RBFOX1: variants seen among roughly 807,000 people sequenced by gnomAD.
RBFOX1 encodes the protein RNA binding fox-1 homolog 1, also known as RNA binding protein fox-1 homolog 1.
Under a neutral mutation model 57.7 loss-of-function variants are expected in RBFOX1, and 8 were observed. The observed-to-expected ratio is 0.14, with a 90% CI of 0.08 to 0.25. The LOEUF is 0.25. RBFOX1 is among the 10% of genes least tolerant of loss of function. The pLI, the probability that RBFOX1 is intolerant of heterozygous loss-of-function variation, is 1.00. For synonymous variants in RBFOX1, 326 were observed against 222.4 expected (o/e 1.47, Z -4.15); for missense variants, 611 against 548.5 (o/e 1.11, Z -1.14).
intron 4 of RBFOX1, among the ~76,000 whole-genome samples, chr16:7,247,784 T>G (rs552820240): frequency 6.6e-6 from 1 of 152,254 alleles, no homozygotes; most frequent in African/African-American, 2.4e-5. Flanking sequence ...CTAGGTATTT[T>G]AAAATGTGGT....
At chr16:6,353,958 G>T (rs139848410) in intron 2 of RBFOX1, among the ~76,000 whole-genome samples, 1 of 152,004 alleles carries the variant, frequency 6.6e-6, no homozygotes. Context: ...AACAGTTCAC[G>T]CCTGTAGTCC....
At position 5,716,608 on chromosome 16, in the gene RBFOX1, G is replaced by A. The variant is rs1434063112; in HGVS notation, c.318+117647G>A. Among the ~76,000 whole-genome samples the A allele has an allele frequency of 2.0e-5, 3 of 152,376 alleles. No individual in the cohort carries two copies. In the East Asian group the frequency reaches 5.8e-4, roughly 29 times the overall value. On this transcript the variant is annotated intron_variant, in intron 3 of 19. Coordinates refer to the RBFOX1 transcript ENST00000641259. Reference sequence around the variant, plus strand: ...AGGAACGCTTATATGCTGTTGGTAGGAGGATTGTAAATTAGTTCAGCCATC... The same window carrying A: ...AGGAACGCTTATATGCTGTTGGTAGAAGGATTGTAAATTAGTTCAGCCATC...
intron 3 of RBFOX1, among the ~76,000 whole-genome samples, chr16:7,041,082 AT>A (rs61569211): frequency 0.076 from 8,233 of 108,682 alleles, 166 homozygotes; most frequent in African/African-American, 0.16. Flanking sequence ...CGCCCAGCTA[AT>A]TTTTTTTTTT....
chr16:6,576,173 T>A (rs1167856258), intron 2 of RBFOX1, among the ~76,000 whole-genome samples: 1 of 152,098 alleles, frequency 6.6e-6, no homozygotes, highest in African/African-American at 2.4e-5. Flanking sequence ...ATTCTTTCAT[T>A]TTGCAACCTG....
chr16:6,236,972 A>C (rs1035519929), intron 1 of RBFOX1, among the ~76,000 whole-genome samples: 1 of 152,194 alleles, frequency 6.6e-6, no homozygotes, highest in Non-Finnish European at 1.5e-5. Flanking sequence ...TGTAGGTCAC[A>C]ATATTCTATT....
rs182686231 is a variant in RBFOX1, at chr16:6,945,059, T to C, written c.-15-106998T>C. 3.1e-3 allele frequency among the ~76,000 whole-genome samples: 478 copies of C among 152,258 alleles called. 2 individuals carry two copies. The highest frequency in any genetic ancestry group is 0.011 in the African/African-American group (453 of 41,534). ...CTGAATCCCGTGTTCTAATGCATTA[T>C]TGAGGGTTTGTGAAGACAGAGCAGG... On this transcript the variant is annotated intron_variant, in intron 3 of 15. Transcript: ENST00000550418.
intron 4 of RBFOX1, among the ~76,000 whole-genome samples, chr16:7,209,292 G>A (rs976726177): frequency 1.3e-5 from 2 of 152,076 alleles, no homozygotes; most frequent in East Asian, 3.8e-4. Flanking sequence ...CTGATATCGT[G>A]CCATTGCATT....
intron 1 of RBFOX1, among the ~76,000 whole-genome samples, chr16:5,305,981 C>T (rs2151208265): frequency 6.6e-6 from 1 of 152,230 alleles, no homozygotes; most frequent in South Asian, 2.1e-4. Flanking sequence ...TGCTTGAGTC[C>T]AGTAGTTTGA....
At chr16:5,545,102 G>T (rs562285149) in intron 2 of RBFOX1, among the ~76,000 whole-genome samples, 1 of 151,400 alleles carries the variant, frequency 6.6e-6, no homozygotes, top group Non-Finnish European at 1.5e-5. Flanking sequence ...TCAGCCTTCC[G>T]AGTAGCTGGG....
At chr16:6,757,654 G>C (rs2076013559) in intron 3 of RBFOX1, among the ~76,000 whole-genome samples, 2 of 152,158 alleles carry the variant, frequency 1.3e-5, no homozygotes, top group Non-Finnish European at 2.9e-5. Flanking sequence ...GAAGGGTAGA[G>C]AAGGTGGGAT....
intron 1 of RBFOX1, chr16:5,240,201 G>A (rs916870694): frequency 3.4e-6 from 3 of 879,730 alleles, no homozygotes; most frequent in African/African-American, 1.7e-5. Context: ...GGCCGGCCCC[G>A]GGTTGAAGTT....
intron 4 of RBFOX1, among the ~76,000 whole-genome samples, chr16:7,279,124 T>C (rs1431170208): frequency 6.7e-6 from 1 of 149,456 alleles, no homozygotes; most frequent in Non-Finnish European, 1.5e-5. Flanking sequence ...CTCTTTCCTT[T>C]TCTTTCTTTC....
chr16:7,295,280 T>G lies in RBFOX1; in HGVS notation c.28-222867T>G, dbSNP rs78912423. Among the ~76,000 whole-genome samples, 709 of 152,304 alleles carry G rather than the reference T, an allele frequency of 4.7e-3. 10 individuals carry two copies. Among genetic ancestry groups the G allele is most frequent in the South Asian group, 0.042 (203 of 4,820 alleles). On this transcript the variant is annotated intron_variant, in intron 4 of 15. Coordinates refer to ENST00000550418, the MANE Select transcript of RBFOX1 (RefSeq NM_018723.4). ...AGTGCCATGTCATTTAAAAAAACTT[T>G]ACAAAAAGAAAATTGTATCTGAAGT...
chr16:7,621,978 G>C (rs1331875896), intron 10 of RBFOX1, among the ~76,000 whole-genome samples: 3 of 152,160 alleles, frequency 2.0e-5, no homozygotes, highest in Non-Finnish European at 2.9e-5. Flanking sequence ...ACTGAAACTT[G>C]AGTTTCATGC....
At chr16:7,400,761 T>C (rs1366125256) in intron 4 of RBFOX1, among the ~76,000 whole-genome samples, 1 of 152,168 alleles carries the variant, frequency 6.6e-6, no homozygotes, top group Non-Finnish European at 1.5e-5. Flanking sequence ...TCCAGTCAAT[T>C]AAAAATGGAT....
chr16:6,364,666 A>G (rs925688747), intron 2 of RBFOX1, among the ~76,000 whole-genome samples: 1 of 152,116 alleles, frequency 6.6e-6, no homozygotes, highest in Non-Finnish European at 1.5e-5. Flanking sequence ...TTCAAATGTG[A>G]TGTGTTTTAT....
intron 2 of RBFOX1, among the ~76,000 whole-genome samples, chr16:5,542,921 C>G (rs193071653): frequency 6.6e-6 from 1 of 152,136 alleles, no homozygotes; most frequent in Non-Finnish European, 1.5e-5. Context: ...TTAGAAGGAC[C>G]AGTACCTGGT....
intron 3 of RBFOX1, among the ~76,000 whole-genome samples, chr16:7,003,461 A>AG (rs1243445616): frequency 7.3e-5 from 11 of 151,564 alleles, no homozygotes; most frequent in Admixed American, 7.2e-4. Context: ...TCCATCTTAA[A>AG]AAAAAAAAAA....
chr16:7,297,689 A>C (rs1323784757), intron 4 of RBFOX1, among the ~76,000 whole-genome samples: 2 of 152,144 alleles, frequency 1.3e-5, no homozygotes, highest in Non-Finnish European at 2.9e-5. Flanking sequence ...TAATAACAAC[A>C]GTTGTAGTAG....
Sources: allele counts gnomAD v4.1 joint callset (sites outside exome capture counted in the v4.1 genomes callset), GRCh38; gene constraint gnomAD v4.1.1; transcripts MANE v1.5; gene names NCBI Gene and HGNC (gene_info 2026-07-23, HGNC 2026-07-21).